Variants in ANO10 observed in about 807,000 individuals in gnomAD.
ANO10 encodes the protein anoctamin-10.
In ANO10, 77 loss-of-function variants were observed where a neutral mutation model predicts 74.7. The ratio of observed to expected loss-of-function variants is 1.03; its 90% CI spans 0.86 to 1.25. The LOEUF is 1.25. Among genes scored for constraint, ANO10 ranks in the 50% most tolerant of loss-of-function variants. The pLI is 0.00. For synonymous variants in ANO10, 279 were observed against 284.9 expected, an observed-to-expected ratio of 0.98 and a Z score of 0.21; for missense variants, 721 against 778.1, an observed-to-expected ratio of 0.93 and a Z score of 0.87.
intron 12 of ANO10, among the ~76,000 whole-genome samples, chr3:43,408,999 T>A (rs1179148775): frequency 1.3e-5 from 2 of 152,056 alleles, no homozygotes; most frequent in African/African-American, 4.8e-5. Context: ...GCCACTGCAC[T>A]CCAGCCTGGG....
At chr3:43,599,717 A>T (rs1575520000) in intron 3 of ANO10, among the ~76,000 whole-genome samples, 1 of 152,174 alleles carries the variant, frequency 6.6e-6, no homozygotes, top group East Asian at 1.9e-4. Context: ...CATCCTGGCT[A>T]ACACGGTGAA....
At chr3:43,536,781 GA>G (rs977470499) in intron 11 of ANO10, among the ~76,000 whole-genome samples, 2 of 151,396 alleles carry the variant, frequency 1.3e-5, no homozygotes, top group South Asian at 4.2e-4. Context: ...TTTTGAAAAA[GA>G]AAAAAAATCT....
intron 4 of ANO10, among the ~76,000 whole-genome samples, chr3:43,581,983 T>C (rs1575478823): frequency 2.0e-5 from 3 of 152,148 alleles, no homozygotes; most frequent in South Asian, 4.1e-4. Flanking sequence ...GATGCTTTGC[T>C]GTTTTCATCC....
intron 4 of ANO10, among the ~76,000 whole-genome samples, chr3:43,582,688 GAA>G (rs940158057): frequency 5.3e-5 from 8 of 152,188 alleles, no homozygotes; most frequent in African/African-American, 9.7e-5. Context: ...TACACGAGGA[GAA>G]AAGTTTTTAA....
chr3:43,561,210 TC>T lies in ANO10; in HGVS notation c.1476+9del. On this transcript the variant is annotated intron_variant, in intron 9 of 12. Transcript: ENST00000292246. ...CAGTAAATGTTTAATTCAGCAATATTCCAACTTACCAAATAAGTTCCCATTT... is the reference window on the plus strand; with the variant it reads ...CAGTAAATGTTTAATTCAGCAATATTCAACTTACCAAATAAGTTCCCATTT... 1 of 1,613,740 alleles carries T rather than the reference TC, an allele frequency of 6.2e-7. No homozygotes were observed.
chr3:43,381,323 T>G (rs2091952743), intron 12 of ANO10, among the ~76,000 whole-genome samples: 2 of 152,122 alleles, frequency 1.3e-5, no homozygotes, highest in Admixed American at 6.5e-5. Context: ...TTCAGGAGAC[T>G]CACCTGACAC....
upstream of ANO10, among the ~76,000 whole-genome samples, chr3:43,626,096 A>G (rs956770254): frequency 3.3e-5 from 5 of 151,300 alleles, no homozygotes; most frequent in African/African-American, 9.7e-5. Flanking sequence ...ACCACACCCA[A>G]CTAATTTTTG....
chr3:43,501,686 T>C (rs1355472263), intron 11 of ANO10, among the ~76,000 whole-genome samples: 1 of 152,182 alleles, frequency 6.6e-6, no homozygotes, highest in Non-Finnish European at 1.5e-5. Context: ...CACTTTCTAC[T>C]TTGCCACACA....
At chr3:43,608,943 T>C (rs1016857000) in intron 1 of ANO10, among the ~76,000 whole-genome samples, 1 of 152,206 alleles carries the variant, frequency 6.6e-6, no homozygotes, top group East Asian at 1.9e-4. Flanking sequence ...AGCAATCTTA[T>C]ATTTAGTGAA....
At chr3:43,560,171 C>T (rs971625750) in intron 9 of ANO10, among the ~76,000 whole-genome samples, 14 of 152,294 alleles carry the variant, frequency 9.2e-5, no homozygotes, top group Non-Finnish European at 1.5e-4. Context: ...CAACTGCTGC[C>T]TGGTAACTAC....
At chr3:43,413,293 T>C (rs185442277) in intron 12 of ANO10, among the ~76,000 whole-genome samples, 2 of 152,264 alleles carry the variant, frequency 1.3e-5, no homozygotes, top group East Asian at 3.9e-4. Flanking sequence ...GCCATTGATA[T>C]AGTTTGGTTA....
chr3:43,530,638 A>G (rs1199808350), intron 11 of ANO10, among the ~76,000 whole-genome samples: 1 of 152,056 alleles, frequency 6.6e-6, no homozygotes, highest in Non-Finnish European at 1.5e-5. Flanking sequence ...CATAACTTTT[A>G]TTAAAGCAGT....
At chr3:43,456,430 G>A (rs945526207) in intron 11 of ANO10, among the ~76,000 whole-genome samples, 1 of 152,310 alleles carries the variant, frequency 6.6e-6, no homozygotes, top group East Asian at 1.9e-4. Flanking sequence ...CAAACACAAC[G>A]CTGTGCATCC....
intron 11 of ANO10, among the ~76,000 whole-genome samples, chr3:43,451,802 T>C (rs761206768): frequency 1.3e-5 from 2 of 152,200 alleles, no homozygotes. Flanking sequence ...TCACTTAGCA[T>C]TGAGTTTGAG....
chr3:43,423,792 C>G (rs2092856526), intron 12 of ANO10, among the ~76,000 whole-genome samples: 1 of 150,388 alleles, frequency 6.6e-6, no homozygotes. Flanking sequence ...GAGAGCTGTT[C>G]TGAAGAGACA....
intron 12 of ANO10, among the ~76,000 whole-genome samples, chr3:43,429,236 G>A (rs997600406): frequency 1.3e-5 from 2 of 152,088 alleles, no homozygotes; most frequent in African/African-American, 4.8e-5. Context: ...TGAATTTGGT[G>A]GTGGTGAGGG....
At chr3:43,629,537 T>C (rs919426282) in intron 1 of ANO10, among the ~76,000 whole-genome samples, 1 of 152,204 alleles carries the variant, frequency 6.6e-6, no homozygotes, top group Non-Finnish European at 1.5e-5. Context: ...TGTGTTGAGA[T>C]ACACAGCAGA....
At chr3:43,659,602 C>T (rs974942624) in intron 1 of ANO10, among the ~76,000 whole-genome samples, 2 of 152,230 alleles carry the variant, frequency 1.3e-5, no homozygotes, top group Non-Finnish European at 2.9e-5. Context: ...CCCACTGCAG[C>T]TCAGCAAGGC....
intron 1 of ANO10, among the ~76,000 whole-genome samples, chr3:43,661,356 G>T (rs1279643796): frequency 6.6e-6 from 1 of 152,194 alleles, no homozygotes; most frequent in Non-Finnish European, 1.5e-5. Context: ...AGCAAATGCT[G>T]AAAGATTTTG....
Sources: allele counts gnomAD v4.1 joint callset (sites outside exome capture counted in the v4.1 genomes callset), GRCh38; gene constraint gnomAD v4.1.1; transcripts MANE v1.5; gene names NCBI Gene and HGNC (gene_info 2026-07-23, HGNC 2026-07-21).